RBFOX1: variants seen among roughly 807,000 people sequenced by gnomAD.
The protein encoded by RBFOX1 is RNA binding fox-1 homolog 1, also known as RNA binding protein fox-1 homolog 1.
RBFOX1 carries 8 observed loss-of-function variants against 57.7 expected under a neutral mutation model. The ratio of observed to expected loss-of-function variants is 0.14; its 90% CI spans 0.08 to 0.25. The LOEUF is 0.25. RBFOX1 is among the 10% of genes least tolerant of loss of function. The probability of loss-of-function intolerance (pLI) is 1.00; values close to 1 mark genes in which losing one functional copy is unlikely to be tolerated. For missense variants in RBFOX1, 611 were observed against 548.5 expected (o/e 1.11, Z -1.14); for synonymous variants, 326 against 222.4 (o/e 1.47, Z -4.15).
chr16:5,549,409 C>G lies in RBFOX1; in HGVS notation c.259-49493C>G, dbSNP rs527799175. 8.5e-5 allele frequency among the ~76,000 whole-genome samples: 13 copies of G among 152,258 alleles called. No individual in the cohort carries two copies. In the East Asian group the frequency reaches 2.5e-3, roughly 29 times the overall value. Reference sequence around the variant, plus strand: ...CCATAATCTGGTGGGTGACGTTGATCAGAAGGAATTTTTCTATTTCAGAGT... The same window carrying G: ...CCATAATCTGGTGGGTGACGTTGATGAGAAGGAATTTTTCTATTTCAGAGT... On this transcript the variant is annotated intron_variant, in intron 2 of 2. Transcript: ENST00000585867.
At chr16:6,023,297 C>T (rs1338215022) in intron 1 of RBFOX1, among the ~76,000 whole-genome samples, 5 of 151,258 alleles carry the variant, frequency 3.3e-5, no homozygotes, top group African/African-American at 9.8e-5. Flanking sequence ...AGAACCTGCT[C>T]CTGTAAGGTT....
At chr16:5,792,121 G>A (rs1567547936) in intron 3 of RBFOX1, among the ~76,000 whole-genome samples, 1 of 152,196 alleles carries the variant, frequency 6.6e-6, no homozygotes, top group Non-Finnish European at 1.5e-5. Context: ...TCGTGGATAA[G>A]TGATTTTAAA....
At chr16:6,413,184 T>A (rs1354407571) in intron 2 of RBFOX1, among the ~76,000 whole-genome samples, 2 of 152,060 alleles carry the variant, frequency 1.3e-5, no homozygotes, top group African/African-American at 4.8e-5. Context: ...CTGGGTGTGG[T>A]GGCACATGCC....
At chr16:5,538,088 A>G (rs2044772478) in intron 2 of RBFOX1, among the ~76,000 whole-genome samples, 1 of 152,124 alleles carries the variant, frequency 6.6e-6, no homozygotes, top group Non-Finnish European at 1.5e-5. Flanking sequence ...CCTGACCCCA[A>G]AGGCACAAAG....
intron 2 of RBFOX1, among the ~76,000 whole-genome samples, chr16:6,578,896 G>T (rs1257702269): frequency 6.6e-6 from 1 of 151,924 alleles, no homozygotes; most frequent in Non-Finnish European, 1.5e-5. Flanking sequence ...GGAAAGGGTG[G>T]GAGTGGGGTG....
At chr16:6,955,454 G>A (rs2081595927) in intron 3 of RBFOX1, among the ~76,000 whole-genome samples, 1 of 151,706 alleles carries the variant, frequency 6.6e-6, no homozygotes, top group Non-Finnish European at 1.5e-5. Flanking sequence ...TGTTCCACTG[G>A]TTAGAAGTAC....
chr16:6,762,466 A>G (rs2076744666), intron 3 of RBFOX1, among the ~76,000 whole-genome samples: 1 of 152,170 alleles, frequency 6.6e-6, no homozygotes, highest in Non-Finnish European at 1.5e-5. Flanking sequence ...TAAGAACAAA[A>G]GAAAAGGTGT....
chr16:5,377,671 T>C (rs2066021932), intron 1 of RBFOX1, among the ~76,000 whole-genome samples: 1 of 150,812 alleles, frequency 6.6e-6, no homozygotes, highest in Non-Finnish European at 1.5e-5. Context: ...GAGACGGAAG[T>C]TGAATGCGGA....
chr16:5,822,327 C>T (rs1225324049), intron 3 of RBFOX1, among the ~76,000 whole-genome samples: 2 of 152,092 alleles, frequency 1.3e-5, no homozygotes, highest in African/African-American at 4.8e-5. Flanking sequence ...AAATATGGTG[C>T]AGTGTTTACT....
intron 1 of RBFOX1, among the ~76,000 whole-genome samples, chr16:5,286,887 T>G (rs2063408386): frequency 6.6e-6 from 1 of 152,254 alleles, no homozygotes; most frequent in Admixed American, 6.5e-5. Context: ...GGGCCAGATT[T>G]GGCCCTTGGT....
chr16:6,348,829 A>T (rs1487750500), intron 2 of RBFOX1, among the ~76,000 whole-genome samples: 1 of 152,094 alleles, frequency 6.6e-6, no homozygotes, highest in Non-Finnish European at 1.5e-5. Flanking sequence ...AACACTGGGG[A>T]TTACAACTGA....
At chr16:5,738,309 A>G (rs1174113141) in intron 3 of RBFOX1, among the ~76,000 whole-genome samples, 1 of 152,046 alleles carries the variant, frequency 6.6e-6, no homozygotes, top group Non-Finnish European at 1.5e-5. Context: ...GTATATATCA[A>G]CAACGCTGTT....
At chr16:6,219,986 C>T in intron 1 of RBFOX1, among the ~76,000 whole-genome samples, 1 of 152,086 alleles carries the variant, frequency 6.6e-6, no homozygotes, top group East Asian at 1.9e-4. Flanking sequence ...AAATAGGTGT[C>T]CGTGTGTGTG....
chr16:6,953,056 T>C (rs1015457165), intron 3 of RBFOX1, among the ~76,000 whole-genome samples: 1 of 152,128 alleles, frequency 6.6e-6, no homozygotes, highest in Admixed American at 6.5e-5. Flanking sequence ...TATTTCTATA[T>C]TGCAGGTGGC....
At chr16:7,469,235 T>TG (rs2061100152) in intron 4 of RBFOX1, among the ~76,000 whole-genome samples, 1 of 151,500 alleles carries the variant, frequency 6.6e-6, no homozygotes, top group Non-Finnish European at 1.5e-5. Flanking sequence ...AATTTTTTTT[T>TG]TAATTCTTAG....
chr16:5,339,470 G>GTTTTTTTTTTTTTTTTTTTTTT lies in RBFOX1; in HGVS notation c.219+99374_219+99395dup, dbSNP rs560472298. 2.5e-3 allele frequency among the ~76,000 whole-genome samples: 103 copies of GTTTTTTTTTTTTTTTTTTTTTT among 40,884 alleles called. 31 individuals are homozygous for GTTTTTTTTTTTTTTTTTTTTTT. The highest frequency in any genetic ancestry group is 2.9e-3 in the African/African-American group (35 of 12,194). 26.8% of individuals were successfully genotyped at this position (40,884 alleles called of 152,430 possible). Reference sequence around the variant, plus strand: ...AAAAGCTAGAAGCTGCTTTTTCCGTGTTTTTTTTTTTTTTTTTTTTTTTTT... The same window carrying GTTTTTTTTTTTTTTTTTTTTTT: ...AAAAGCTAGAAGCTGCTTTTTCCGTGTTTTTTTTTTTTTTTTTTTTTTTTTTTTTTTTTTTTTTTTTTTTTTT... On this transcript the variant is annotated intron_variant, in intron 1 of 2. Coordinates refer to the RBFOX1 transcript ENST00000585867.
At chr16:5,296,802 C>T (rs2063680971) in intron 1 of RBFOX1, among the ~76,000 whole-genome samples, 2 of 151,906 alleles carry the variant, frequency 1.3e-5, no homozygotes, top group Admixed American at 1.3e-4. Flanking sequence ...TCTCAGCCTC[C>T]TTAGTAGCTG....
intron 1 of RBFOX1, 112 bp downstream of exon 1, chr16:6,020,104 G>T: frequency 1.7e-6 from 2 of 1,203,102 alleles, no homozygotes; most frequent in African/African-American, 1.6e-5. Context: ...TCCTCCTAGC[G>T]CCAGTCTGGG....
chr16:5,671,910 G>C (rs542188806), intron 3 of RBFOX1, among the ~76,000 whole-genome samples: 2 of 152,290 alleles, frequency 1.3e-5, no homozygotes, highest in Non-Finnish European at 2.9e-5. Context: ...ATTTAAATCA[G>C]AGCCATAGCT....
Sources: allele counts gnomAD v4.1 joint callset (sites outside exome capture counted in the v4.1 genomes callset), GRCh38; gene constraint gnomAD v4.1.1; transcripts MANE v1.5; gene names NCBI Gene and HGNC (gene_info 2026-07-23, HGNC 2026-07-21).